The following DENND2A variants were observed in gnomAD, a reference collection of about 807,000 sequenced individuals.
DENND2A encodes the protein DENN domain-containing protein 2A.
A neutral mutation model predicts 105.3 loss-of-function variants in DENND2A; 53 were observed. The ratio of observed to expected loss-of-function variants is 0.50; its 90% CI spans 0.40 to 0.63. The LOEUF (loss-of-function observed/expected upper bound fraction) is 0.63. Ranked by LOEUF, DENND2A falls within the 30% of genes least tolerant of loss-of-function variation. The probability of loss-of-function intolerance (pLI) is 0.00; values close to 1 mark genes in which losing one functional copy is unlikely to be tolerated. For synonymous variants in DENND2A, 522 were observed against 508.4 expected (o/e 1.03, Z -0.36); for missense variants, 1,138 against 1,279.6 (o/e 0.89, Z 1.69).
At position 140,527,616 on chromosome 7, in the gene DENND2A, C is replaced by A. The variant is rs1325119640; in HGVS notation, c.2328-121G>T. ...GGAAAGGACACACGTGGATGTGGATCCGGTGGAGCACATGATGGTCTCAGC... is the reference window on the plus strand; with the variant it reads ...GGAAAGGACACACGTGGATGTGGATACGGTGGAGCACATGATGGTCTCAGC... On this transcript the variant is annotated intron_variant, in intron 14 of 19. Transcript: ENST00000496613. The surrounding 1 kb of genome is among the most constrained non-coding windows in gnomAD (Gnocchi z 4.9). 1.9e-6 allele frequency: 2 copies of A among 1,066,426 alleles called. No individual in the cohort carries two copies. Among genetic ancestry groups the A allele is most frequent in the Admixed American group, 5.4e-5 (2 of 36,998 alleles). 66.1% of individuals were successfully genotyped at this position (1,066,426 alleles called of 1,614,324 possible).
intron 2 of DENND2A, among the ~76,000 whole-genome samples, chr7:140,603,791 C>T (rs1459922771): frequency 1.3e-5 from 2 of 152,182 alleles, no homozygotes; most frequent in African/African-American, 2.4e-5. Context: ...AGCTTCAGTT[C>T]CTCAGTTACA....
At chr7:140,633,451 G>A (rs1800808625) in intron 1 of DENND2A, among the ~76,000 whole-genome samples, 1 of 152,148 alleles carries the variant, frequency 6.6e-6, no homozygotes, top group Non-Finnish European at 1.5e-5. Context: ...CACCGCGCCT[G>A]GCCTAATGCT....
chr7:140,552,038 C>T (rs1163081733), intron 12 of DENND2A, among the ~76,000 whole-genome samples: 1 of 152,222 alleles, frequency 6.6e-6, no homozygotes, highest in Admixed American at 6.5e-5. Context: ...TCAAAGCCTC[C>T]ACTTGGAAGC....
chr7:140,548,294 A>C (rs1431288718), intron 12 of DENND2A, among the ~76,000 whole-genome samples: 1 of 112,216 alleles, frequency 8.9e-6, no homozygotes, highest in Non-Finnish European at 2.0e-5. Context: ...CTACTAAAAA[A>C]CTAAAAAAAA....
At chr7:140,617,185 T>C (rs1800111770) in intron 1 of DENND2A, among the ~76,000 whole-genome samples, 1 of 152,188 alleles carries the variant, frequency 6.6e-6, no homozygotes, top group Admixed American at 6.5e-5. Flanking sequence ...CTCCAGTAAA[T>C]GCTTCTGTTT....
intron 3 of DENND2A, among the ~76,000 whole-genome samples, chr7:140,597,111 GAA>G (rs1799313931): frequency 6.6e-6 from 1 of 152,166 alleles, no homozygotes; most frequent in Admixed American, 6.6e-5. Context: ...GAAGGAAAGA[GAA>G]GAGGAGAAAA....
rs73483908 is a variant in DENND2A at position 140,569,557 on chromosome 7, G to A, written c.1540+88C>T. 14,140 of 908,672 alleles carry A rather than the reference G, an allele frequency of 0.016. 1,025 individuals carry two copies. The African/African-American group carries it at 0.18, about 11-fold the overall frequency. The allele number at this position is 908,672 out of a possible 1,614,324, so 56.3% of individuals were successfully genotyped here. On this transcript the variant is annotated intron_variant, in intron 7 of 19. Transcript: ENST00000496613. Reference sequence around the variant, plus strand: ...GCATCAGCTTGTTCTCCTCCTTGGTGAGCCAACCAGAAAAAACAGGAAGCC... The same window carrying A: ...GCATCAGCTTGTTCTCCTCCTTGGTAAGCCAACCAGAAAAAACAGGAAGCC...
chr7:140,641,045 C>G (rs969847180), upstream of DENND2A, among the ~76,000 whole-genome samples: 2 of 152,202 alleles, frequency 1.3e-5, no homozygotes, highest in African/African-American at 4.8e-5. Context: ...TCCATTCCAC[C>G]CAGGCCCGGG....
chr7:140,594,178 G>T (rs1799185484), intron 3 of DENND2A, among the ~76,000 whole-genome samples: 1 of 152,130 alleles, frequency 6.6e-6, no homozygotes, highest in South Asian at 2.1e-4. Flanking sequence ...AAAATGTTGG[G>T]ATTACAAGCG....
At chr7:140,591,645 C>CCCTT (rs151123012) in intron 3 of DENND2A, among the ~76,000 whole-genome samples, 4,918 of 148,288 alleles carry the variant, frequency 0.033, 252 homozygotes, top group African/African-American at 0.12. Context: ...TATTTTCCCT[C>CCCTT]CCTTCCTTCC....
In DENND2A at chr7:140,559,868, A is replaced by G; in HGVS notation, c.1780-51T>C. 7.2e-7 allele frequency: 1 copy of G among 1,381,042 alleles called. No homozygotes were observed. Among genetic ancestry groups the G allele is most frequent in the African/African-American group, 1.4e-5 (1 of 70,466 alleles). 85.5% of individuals were successfully genotyped at this position (1,381,042 alleles called of 1,614,324 possible). A position where few individuals can be genotyped will look rare whatever the true frequency, so the allele number is the denominator to read the frequency against. The stretch of plus-strand genomic sequence containing the variant: ...TTCGAGAACAAATCTCAGCATGGGA[A>G]ATTGAGGCGGATGATGGTAAGGATG... On this transcript the variant is annotated intron_variant, in intron 9 of 19. Transcript: ENST00000496613. The surrounding 1 kb of genome is among the most constrained non-coding windows in gnomAD (Gnocchi z 4.1).
intron 14 of DENND2A, among the ~76,000 whole-genome samples, chr7:140,530,818 C>T (rs150515639): frequency 0.046 from 6,953 of 152,064 alleles, 527 homozygotes; most frequent in African/African-American, 0.16. Context: ...GCAACCTCCA[C>T]CTCCCGTGTT....
At chr7:140,631,605 G>A (rs1408881214) in intron 1 of DENND2A, among the ~76,000 whole-genome samples, 1 of 152,172 alleles carries the variant, frequency 6.6e-6, no homozygotes, top group Non-Finnish European at 1.5e-5. Flanking sequence ...AGGGTAAACA[G>A]AGGGCACTGG....
At chr7:140,538,120 G>C (rs977665445) in intron 14 of DENND2A, among the ~76,000 whole-genome samples, 1 of 152,104 alleles carries the variant, frequency 6.6e-6, no homozygotes, top group Non-Finnish European at 1.5e-5. Context: ...ATAGATTTTT[G>C]GCTCAACTTA....
At chr7:140,587,335 A>G (rs1798822992) in intron 4 of DENND2A, among the ~76,000 whole-genome samples, 1 of 152,170 alleles carries the variant, frequency 6.6e-6, no homozygotes, top group Non-Finnish European at 1.5e-5. Context: ...TGCGGCCAAC[A>G]GGCAGCAGAA....
chr7:140,635,882 T>C (rs1043690953), intron 1 of DENND2A, among the ~76,000 whole-genome samples: 2 of 152,150 alleles, frequency 1.3e-5, no homozygotes, highest in African/African-American at 4.8e-5. Context: ...ACGTCAGACA[T>C]TGATTTTAAG....
chr7:140,624,845 CTTTGTTTTT>C (rs1000377469), intron 1 of DENND2A, among the ~76,000 whole-genome samples: 6 of 126,290 alleles, frequency 4.8e-5, no homozygotes, highest in South Asian at 5.0e-4. Context: ...TTTTGTTTTT[CTTTGTTTTT>C]TTTGTTTTTT....
chr7:140,612,839 G>A (rs965653436), intron 1 of DENND2A, among the ~76,000 whole-genome samples: 1 of 151,930 alleles, frequency 6.6e-6, no homozygotes, highest in Non-Finnish European at 1.5e-5. Flanking sequence ...TGAGGGCCGG[G>A]CGCAGTGGCT....
chr7:140,584,184 T>C (rs112539224), intron 5 of DENND2A, among the ~76,000 whole-genome samples: 4 of 129,586 alleles, frequency 3.1e-5, no homozygotes, highest in Admixed American at 2.2e-4. Context: ...GGAGCTTGCA[T>C]TGAGCCGAGA....
Sources: gnomAD v4.1 joint callset for allele counts (sites outside exome capture counted in the v4.1 genomes callset) on GRCh38, gnomAD v4.1.1 for gene constraint, Gnocchi (gnomAD v3.1) non-coding constraint, MANE v1.5 for transcripts, NCBI Gene and HGNC (gene_info 2026-07-23, HGNC 2026-07-21) for gene names.